NKPD1: variants seen among roughly 807,000 people sequenced by gnomAD.
NKPD1 encodes NTPase KAP family P-loop domain containing 1.
A neutral mutation model predicts 42.2 loss-of-function variants in NKPD1; 37 were observed. The ratio of observed to expected loss-of-function variants is 0.88; its 90% CI spans 0.67 to 1.15. NKPD1 has a LOEUF of 1.15. Among genes scored for constraint, NKPD1 ranks in the 50% most tolerant of loss-of-function variants. The probability of loss-of-function intolerance (pLI) is 0.00; values close to 1 mark genes in which losing one functional copy is unlikely to be tolerated. For synonymous variants in NKPD1, 552 were observed against 536.5 expected, an observed-to-expected ratio of 1.03 and a Z score of -0.40; for missense variants, 1,113 against 1,174.6, an observed-to-expected ratio of 0.95 and a Z score of 0.77.
chr19:45,152,882 G>A lies in NKPD1; in HGVS notation c.1555C>T (p.Leu519Phe). The A allele has an allele frequency of 1.3e-6, 2 of 1,586,208 alleles. No homozygotes were observed. Among genetic ancestry groups the A allele is most frequent in the Non-Finnish European group, 1.7e-6 (2 of 1,163,542 alleles). Reference sequence around the variant, plus strand: ...AAGGGCAGCGTGACAGTGCGGTTGAGGAAGAGGTAGCCGTTATCGGCCGTG... The same window carrying A: ...AAGGGCAGCGTGACAGTGCGGTTGAAGAAGAGGTAGCCGTTATCGGCCGTG... ...KGTADNGYLF[L>F]NRTVTLPFSV... Residue 519 changes from leucine (L) to phenylalanine (F), a missense_variant, in exon 5 of 5, where the codon CTC becomes TTC. This residue lies in a region of NKPD1 where 867 missense variants were observed against 870.1 expected (regional missense o/e 1.00). Transcript: ENST00000686631.
chr19:45,158,769 T>G lies in NKPD1; in HGVS notation c.423A>C (p.Pro141=). Residue 141 remains proline (P), a synonymous_variant, in exon 3 of 5, where the codon CCA becomes CCC. Transcript: ENST00000686631. This position sits in a 1 kb window ranked among gnomAD's most constrained non-coding sequence, Gnocchi z 4.6. ...GGACGCCAGCCGCGGAGGGTAGAGC[T>G]GGGCCACTCCTGGCCATGGCTGGTG... ...TTAPAMARSG[P]ALPSAAGVLL... The G allele has an allele frequency of 8.1e-7, 1 of 1,236,736 alleles. No homozygotes were observed. The allele number at this position is 1,236,736 out of a possible 1,614,324, so 76.6% of individuals were successfully genotyped here.
At position 45,153,328 on chromosome 19, in the gene NKPD1, C is replaced by T. The variant is rs1422216703; in HGVS notation, c.1109G>A (p.Gly370Asp). 28 of 1,570,194 alleles carry T rather than the reference C, an allele frequency of 1.8e-5. No individual in the cohort carries two copies. The highest frequency in any genetic ancestry group is 2.2e-5 in the Non-Finnish European group (26 of 1,159,666). The change falls in exon 5 of 5, where the codon GGC becomes GAC. Residue 370 changes from glycine (G) to aspartate (D), a missense_variant. Physicochemically the swap from Gly to Asp is moderately conservative, Grantham distance 94. Transcript: ENST00000686631. ...LSLGGHALGHGSPSGSLLKVF... is the reference protein window; with the variant it reads ...LSLGGHALGHDSPSGSLLKVF... ...CTTGAGCAGGCTGCCGCTCGGGCTG[C>T]CGTGGCCCAGCGCGTGGCCGCCCAG...
At chr19:45,159,214 C>T in intron 2 of NKPD1, 114 bp from the exon 3 acceptor site, 4 of 1,009,466 alleles carry the variant, frequency 4.0e-6, no homozygotes, top group Non-Finnish European at 5.1e-6. Flanking sequence ...TTCTTGGGAG[C>T]CCCAGAAACC....
rs1290834322 is a variant in NKPD1, at chr19:45,156,038, G to T, written c.530-122C>A. ...TGGCACCCTGTGCAAAGGGGACTCA[G>T]GTCAAACCCTGCAGTGGAGGTTTCT... On this transcript the variant is annotated intron_variant, in intron 3 of 4. Transcript: ENST00000686631. The T allele has an allele frequency of 8.6e-6, 8 of 933,772 alleles. 1 individual carries two copies. Among genetic ancestry groups the T allele is most frequent in the Non-Finnish European group, 1.2e-5 (8 of 691,174 alleles). 57.8% of individuals were successfully genotyped at this position (933,772 alleles called of 1,614,324 possible). A position where few individuals can be genotyped will look rare whatever the true frequency, so the allele number is the denominator to read the frequency against.
Position 45,152,361 on chromosome 19 carries a change from G to A in NKPD1, c.2076C>T (p.Asp692=). 6.2e-7 allele frequency: 1 copy of A among 1,600,240 alleles called. No individual in the cohort carries two copies. ...GAPEGRARLW[D]VFRDNSRELH... The stretch of plus-strand genomic sequence containing the variant: ...GCTCGCGGCTGTTGTCGCGGAAAAC[G>A]TCCCAGAGGCGCGCGCGGCCCTCGG... Residue 692 remains aspartate (D), a synonymous_variant, in exon 5 of 5, where the codon GAC becomes GAT. Coordinates refer to ENST00000686631, the MANE Select transcript of NKPD1 (RefSeq NM_198478.4).
chr19:45,152,460 G>T lies in NKPD1; in HGVS notation c.1977C>A (p.Leu659=), dbSNP rs760638462. 15 of 1,555,786 alleles carry T rather than the reference G, an allele frequency of 9.6e-6. No individual in the cohort carries two copies. In the South Asian group the frequency reaches 1.7e-4, roughly 18 times the overall value. Reference sequence around the variant, plus strand: ...TCAGGCGGCACGGCCACTGGTTGGCGAGCACCACCCACGCCACCGCCTGGC... The same window carrying T: ...TCAGGCGGCACGGCCACTGGTTGGCTAGCACCACCCACGCCACCGCCTGGC... ...TPRQAVAWVV[L]ANQWPCRLSW... is the part of the protein sequence containing the mutation. Residue 659 remains leucine, a synonymous_variant, in exon 5 of 5, where the codon CTC becomes CTA. Transcript: ENST00000686631.
chr19:45,159,650 C>G (rs1198868928), intron 2 of NKPD1, among the ~76,000 whole-genome samples: 1 of 152,112 alleles, frequency 6.6e-6, no homozygotes. Flanking sequence ...TGGGAGGGCA[C>G]TGCCCCCTCC....
At chr19:45,155,720 A>G (rs1968889147) in intron 4 of NKPD1, 65 bp downstream of exon 4, 2 of 1,252,514 alleles carry the variant, frequency 1.6e-6, no homozygotes, top group Non-Finnish European at 2.1e-6. Context: ...GGAAGCCTGG[A>G]GCTGGGCGGG....
chr19:45,157,627 G>C (rs983586170), intron 3 of NKPD1, among the ~76,000 whole-genome samples: 5 of 151,928 alleles, frequency 3.3e-5, no homozygotes, highest in African/African-American at 1.2e-4. Flanking sequence ...TGCTGCCCAG[G>C]CTGGTCTGGA....
Position 45,152,455 on chromosome 19 carries a change from T to C in NKPD1, c.1982A>G (p.Asn661Ser), listed in dbSNP as rs774622196. The C allele has an allele frequency of 2.6e-6, 4 of 1,556,276 alleles. No homozygotes were observed. The highest frequency in any genetic ancestry group is 3.5e-6 in the Non-Finnish European group (4 of 1,156,340). Residue 661 changes from asparagine (N) to serine (S), a missense_variant, in exon 5 of 5, where the codon AAC (asparagine) becomes AGC (serine). Physicochemically the swap from Asn to Ser is conservative, Grantham distance 46 (BLOSUM62 1). Coordinates refer to ENST00000686631, the MANE Select transcript of NKPD1 (RefSeq NM_198478.4). ...CCAGCTCAGGCGGCACGGCCACTGG[T>C]TGGCGAGCACCACCCACGCCACCGC... is the stretch of plus-strand genomic sequence containing the variant. ...RQAVAWVVLANQWPCRLSWAL... is the reference protein window; with the variant it reads ...RQAVAWVVLASQWPCRLSWAL...
At chr19:45,155,145 C>T (rs1599722300) in intron 4 of NKPD1, among the ~76,000 whole-genome samples, 1 of 151,538 alleles carries the variant, frequency 6.6e-6, no homozygotes, top group East Asian at 1.9e-4. Context: ...ATGGTAAAAC[C>T]CCGTCTACTA....
At chr19:45,154,737 G>C (rs1002303269) in intron 4 of NKPD1, among the ~76,000 whole-genome samples, 2 of 152,170 alleles carry the variant, frequency 1.3e-5, no homozygotes, top group African/African-American at 2.4e-5. Flanking sequence ...AAAGCTGCTG[G>C]GGAGGCCAGT....
rs1968791611 is a variant in NKPD1 at position 45,152,129 on chromosome 19, T to C, written c.2308A>G (p.Lys770Glu). The change falls in exon 5 of 5, where the codon AAG (lysine) becomes GAG (glutamate). Residue 770 changes from lysine (K) to glutamate (E), a missense_variant. Lys to Glu is a moderately conservative substitution (Grantham distance 56, BLOSUM62 1). Transcript: ENST00000686631. ...TGGGGGGTATCGCGGGTAGGGGACT[T>C]GGGCGGGCTGGGCGGCTTGAGCGCG... is the stretch of plus-strand genomic sequence containing the variant. ...VSALKPPSPPKSPTRDTPHAA... is the reference protein window; with the variant it reads ...VSALKPPSPPESPTRDTPHAA... 6.2e-7 allele frequency: 1 copy of C among 1,601,094 alleles called. No homozygotes were observed. The highest frequency in any genetic ancestry group is 8.5e-7 in the Non-Finnish European group (1 of 1,174,890).
At position 45,150,510 on chromosome 19, in the gene NKPD1, A is replaced by T. The variant is rs548313287; in HGVS notation, c.*1428T>A. 1 of 152,144 alleles carries T rather than the reference A, an allele frequency of 6.6e-6. No individual in the cohort carries two copies. Among genetic ancestry groups the T allele is most frequent in the Non-Finnish European group, 1.5e-5 (1 of 68,020 alleles). 9.4% of individuals were successfully genotyped at this position (152,144 alleles called of 1,614,324 possible). A position where few individuals can be genotyped will look rare whatever the true frequency, so the allele number is the denominator to read the frequency against. On this transcript the variant is annotated 3_prime_UTR_variant, in exon 5 of 5. Transcript: ENST00000686631. Reference sequence around the variant, plus strand: ...AGGGATATATTGACCCCAACCACACATCTACAGAAACAGACTTAACGGTGT... The same window carrying T: ...AGGGATATATTGACCCCAACCACACTTCTACAGAAACAGACTTAACGGTGT...
At position 45,155,779 on chromosome 19, in the gene NKPD1, C is replaced by G; in HGVS notation, c.661+6G>C. On this transcript the variant is annotated splice_donor_region_variant and intron_variant, in intron 4 of 4. Transcript: ENST00000686631. ...CTCCCCCCAACAAACACACACAGCT[C>G]CTCACCCGTGATCTTGTCCAGCATC... is the stretch of plus-strand genomic sequence containing the variant. 7.7e-7 allele frequency: 1 copy of G among 1,301,132 alleles called. No homozygotes were observed. The highest frequency in any genetic ancestry group is 1.0e-6 in the Non-Finnish European group (1 of 985,444). 80.6% of individuals were successfully genotyped at this position (1,301,132 alleles called of 1,614,324 possible).
intron 4 of NKPD1, among the ~76,000 whole-genome samples, chr19:45,155,059 C>T (rs1235290878): frequency 6.7e-6 from 1 of 148,470 alleles, no homozygotes; most frequent in African/African-American, 2.5e-5. Flanking sequence ...GGTGCAGTGG[C>T]TCATGTGTAA....
In NKPD1 at chr19:45,153,754, G is replaced by T; in HGVS notation, c.683C>A (p.Ala228Glu). The T allele has an allele frequency of 6.7e-7, 1 of 1,497,268 alleles. No homozygotes were observed. Among genetic ancestry groups the T allele is most frequent in the Non-Finnish European group, 9.0e-7 (1 of 1,116,754 alleles). The allele number at this position is 1,497,268 out of a possible 1,614,324, so 92.7% of individuals were successfully genotyped here. ...KITALMQQEA[A>E]QRESEELQHV... is the part of the protein sequence containing the mutation. ...CTGCAGCTCCTCGCTCTCGCGCTGCGCGGCCTCCTGCTGCATCAGCGCTGC... is the reference window on the plus strand; with the variant it reads ...CTGCAGCTCCTCGCTCTCGCGCTGCTCGGCCTCCTGCTGCATCAGCGCTGC... The change falls in exon 5 of 5, where the codon GCG becomes GAG. Residue 228 changes from alanine (A) to glutamate (E), a missense_variant. This residue lies in a region of NKPD1 where 867 missense variants were observed against 870.1 expected (regional missense o/e 1.00). Transcript: ENST00000686631.
rs75291769 is a variant in NKPD1, at chr19:45,159,037, G to A, written c.155C>T (p.Ser52Phe). ...GGCCAGCTGCCAGTGTGATTGGGGG[G>A]AAGGCCGACAGGGCCCATGGGCTCG... ...ALRAHGPCRP[S>F]PQSHWQLAYH... The change falls in exon 3 of 5, where the codon TCC becomes TTC. Residue 52 changes from serine (S) to phenylalanine (F), a missense_variant. By Grantham distance (155) the Ser-to-Phe change is radical. Coordinates refer to ENST00000686631, the MANE Select transcript of NKPD1 (RefSeq NM_198478.4). 0.036 allele frequency: 46,276 copies of A among 1,301,154 alleles called. 952 individuals are homozygous for A. Among genetic ancestry groups the A allele is most frequent in the Non-Finnish European group, 0.041 (40,372 of 988,190 alleles). 80.6% of individuals were successfully genotyped at this position (1,301,154 alleles called of 1,614,324 possible).
intron 2 of NKPD1, among the ~76,000 whole-genome samples, chr19:45,159,572 C>T (rs1394082774): frequency 1.3e-5 from 2 of 152,094 alleles, no homozygotes; most frequent in Non-Finnish European, 2.9e-5. Flanking sequence ...GCCAGGGTGG[C>T]AGGAAGGGTG....
Sources: gnomAD v4.1 joint callset for allele counts (sites outside exome capture counted in the v4.1 genomes callset) on GRCh38, gnomAD v4.1.1 for gene constraint, gnomAD v4.1.1 regional missense constraint, Gnocchi (gnomAD v3.1) non-coding constraint, MANE v1.5 for transcripts, NCBI Gene and HGNC (gene_info 2026-07-23, HGNC 2026-07-21) for gene names.